The following CEP170 variants were observed in gnomAD, a reference collection of about 807,000 sequenced individuals.
The protein encoded by CEP170 is centrosomal protein of 170 kDa.
CEP170 carries 21 observed loss-of-function variants against 151.9 expected under a neutral mutation model. The observed-to-expected ratio is 0.14, with a 90% CI of 0.10 to 0.20. CEP170 has a LOEUF of 0.20. Among genes scored for constraint, CEP170 ranks in the 10% least tolerant of loss-of-function variants. CEP170 has a pLI of 1.00. For synonymous variants in CEP170, 356 were observed against 648.8 expected, an observed-to-expected ratio of 0.55 and a Z score of 6.86; for missense variants, 964 against 1,892.9, an observed-to-expected ratio of 0.51 and a Z score of 9.11.
chr1:243,147,000 C>T (rs1314482009), intron 14 of CEP170, among the ~76,000 whole-genome samples: 1 of 146,880 alleles, frequency 6.8e-6, no homozygotes, highest in African/African-American at 2.6e-5. Context: ...TCTAGAGGCA[C>T]TCCAGATGGA....
intron 7 of CEP170, among the ~76,000 whole-genome samples, chr1:243,196,362 T>C (rs1342570082): frequency 9.2e-5 from 14 of 152,080 alleles, no homozygotes; most frequent in Admixed American, 6.6e-5. Context: ...CCTCAGTTTC[T>C]TTATCTACAA....
chr1:243,221,936 G>A, intron 2 of CEP170, 123 bp from the exon 3 acceptor site: 1 of 750,582 alleles, frequency 1.3e-6, no homozygotes, highest in East Asian at 3.1e-5. Flanking sequence ...AGTAAGTGTG[G>A]ATTAAATGAG....
intron 10 of CEP170, among the ~76,000 whole-genome samples, chr1:243,175,663 G>A (rs2059180875): frequency 6.6e-6 from 1 of 152,136 alleles, no homozygotes; most frequent in Admixed American, 6.5e-5. Flanking sequence ...AAGTATGCTA[G>A]GTTCTCTCAC....
intron 4 of CEP170, among the ~76,000 whole-genome samples, chr1:243,206,929 C>A (rs868739191): frequency 6.6e-6 from 1 of 152,032 alleles, no homozygotes; most frequent in Non-Finnish European, 1.5e-5. Flanking sequence ...CAAAAAATTA[C>A]GGCAAATAAG....
Position 243,172,986 on chromosome 1 carries a change from T to C in CEP170, c.1567-140A>G, listed in dbSNP as rs1023564436. 9.6e-6 allele frequency: 10 copies of C among 1,045,064 alleles called. No individual in the cohort carries two copies. The Admixed American group carries it at 1.0e-4, about 11-fold the overall frequency. 64.7% of individuals were successfully genotyped at this position (1,045,064 alleles called of 1,614,324 possible). ...AGTTAATTTCAAAACTAAGGAAAAC[T>C]TCTTGAATGACAGTAACAGCTAATT... On this transcript the variant is annotated intron_variant, in intron 10 of 19. Transcript: ENST00000366542.
At chr1:243,131,647 C>T (rs1558364140) in intron 17 of CEP170, among the ~76,000 whole-genome samples, 1 of 151,650 alleles carries the variant, frequency 6.6e-6, no homozygotes, top group Non-Finnish European at 1.5e-5. Context: ...ATCAGAAAAC[C>T]AGACCAAGAA....
chr1:243,148,906 T>C (rs1392307084), intron 14 of CEP170, among the ~76,000 whole-genome samples: 1 of 152,064 alleles, frequency 6.6e-6, no homozygotes, highest in East Asian at 1.9e-4. Context: ...AACAAAAGTA[T>C]GGAGAACTGG....
Position 243,255,124 on chromosome 1 carries a change from CTCGTCG to C in CEP170, c.-132_-127del. The C allele has an allele frequency of 1.3e-5, 2 of 153,536 alleles. No homozygotes were observed. The highest frequency in any genetic ancestry group is 2.9e-5 in the Non-Finnish European group (2 of 68,764). 9.5% of individuals were successfully genotyped at this position (153,536 alleles called of 1,614,324 possible). The stretch of plus-strand genomic sequence containing the variant: ...CTCTCGCACGCCGTCCTCCCCCCAC[CTCGTCG>C]TCGTCGTCGTCGCCGCTGTTGTCGT... On this transcript the variant is annotated 5_prime_UTR_variant, in exon 1 of 20. Coordinates refer to ENST00000366542, the MANE Select transcript of CEP170 (RefSeq NM_014812.3).
chr1:243,167,669 A>G (rs1216565755), intron 12 of CEP170, among the ~76,000 whole-genome samples: 1 of 151,802 alleles, frequency 6.6e-6, no homozygotes, highest in Non-Finnish European at 1.5e-5. Context: ...TTACAATCCT[A>G]AAAGTTTAGT....
intron 14 of CEP170, among the ~76,000 whole-genome samples, chr1:243,144,660 G>C (rs1326535414): frequency 2.0e-5 from 3 of 152,172 alleles, no homozygotes; most frequent in African/African-American, 7.2e-5. Context: ...GTGGAAAACA[G>C]TATAAATTAA....
In CEP170 at chr1:243,185,552, A is replaced by T. The variant is rs10803122; in HGVS notation, c.1566+227T>A. Among the ~76,000 whole-genome samples the T allele has an allele frequency of 0.37, 56,420 of 152,106 alleles. 12,604 individuals carry two copies. The highest frequency in any genetic ancestry group is 0.49 in the Admixed American group (7,511 of 15,286). On this transcript the variant is annotated intron_variant, in intron 10 of 19. Coordinates refer to ENST00000366542, the MANE Select transcript of CEP170 (RefSeq NM_014812.3). The surrounding 1 kb of genome is among the most constrained non-coding windows in gnomAD (Gnocchi z 4.9). ...CAAATTTAAAAGGTCCAAACCTTTT[A>T]AATGTACAGAGCTTTATGTATGAAA...
Position 243,246,226 on chromosome 1 carries a change from CT to C in CEP170, c.-42+8813del, listed in dbSNP as rs774096892. On this transcript the variant is annotated intron_variant, in intron 1 of 19. Transcript: ENST00000366542. The stretch of plus-strand genomic sequence containing the variant: ...GAAATGTCCATTACAGTGTTGTTTA[CT>C]TTTTTTTTTTTTTTTTTTTTTTGAG... Among the ~76,000 whole-genome samples, 923 of 109,438 alleles carry C rather than the reference CT, an allele frequency of 8.4e-3. 3 individuals are homozygous for C. Among genetic ancestry groups the C allele is most frequent in the African/African-American group, 0.015 (386 of 25,950 alleles). The allele number at this position is 109,438 out of a possible 152,430, so 71.8% of individuals were successfully genotyped here. A position where few individuals can be genotyped will look rare whatever the true frequency, so the allele number is the denominator to read the frequency against.
intron 1 of CEP170, among the ~76,000 whole-genome samples, chr1:243,234,909 C>T (rs1209717954): frequency 1.3e-5 from 2 of 152,068 alleles, no homozygotes; most frequent in African/African-American, 4.8e-5. Context: ...ATGAATCAGG[C>T]ACTGTTCTAA....
At chr1:243,237,511 C>T (rs2064360036) in intron 1 of CEP170, among the ~76,000 whole-genome samples, 1 of 152,082 alleles carries the variant, frequency 6.6e-6, no homozygotes, top group Admixed American at 6.5e-5. Context: ...AGTATATAAA[C>T]ATGCAGAATA....
intron 3 of CEP170, among the ~76,000 whole-genome samples, chr1:243,213,431 AG>A (rs1352668887): frequency 6.6e-6 from 1 of 152,204 alleles, no homozygotes; most frequent in Non-Finnish European, 1.5e-5. Context: ...AAAGGCAAAG[AG>A]AAGAAAACAG....
chr1:243,177,683 G>C (rs1027056226), intron 10 of CEP170, among the ~76,000 whole-genome samples: 7 of 152,140 alleles, frequency 4.6e-5, no homozygotes, highest in Admixed American at 2.0e-4. Flanking sequence ...TGATTTAAGA[G>C]GGGAATTTAT....
chr1:243,229,192 G>A (rs1485959774), intron 1 of CEP170, among the ~76,000 whole-genome samples: 1 of 152,156 alleles, frequency 6.6e-6, no homozygotes, highest in Non-Finnish European at 1.5e-5. Flanking sequence ...CTCAGGTTCC[G>A]CTAAATGGTG....
intron 16 of CEP170, among the ~76,000 whole-genome samples, chr1:243,139,258 C>T (rs1461966266): frequency 4.6e-5 from 7 of 152,134 alleles, no homozygotes; most frequent in Middle Eastern, 3.4e-3. Flanking sequence ...CATGCCACCA[C>T]GCCCGGCTAA....
At position 243,185,839 on chromosome 1, in the gene CEP170, A is replaced by G. The variant is rs747093852; in HGVS notation, c.1506T>C (p.Tyr502=). ...NDDDQSDKGT[Y]TIELENPNSE... is the part of the protein sequence containing the mutation. ...TGTTGGGATTCTCTAACTCAATGGT[A>G]TAAGTACCCTTGTCACTTTGGTCAT... The change falls in exon 10 of 20, where the codon TAT becomes TAC. Residue 502 remains tyrosine (Y), a synonymous_variant. Transcript: ENST00000366542. The surrounding 1 kb of genome is among the most constrained non-coding windows in gnomAD (Gnocchi z 4.9). The G allele has an allele frequency of 4.3e-6, 7 of 1,611,082 alleles. No individual in the cohort carries two copies. Among genetic ancestry groups the G allele is most frequent in the East Asian group, 2.2e-5 (1 of 44,884 alleles).
Sources: gnomAD v4.1 joint callset for allele counts (sites outside exome capture counted in the v4.1 genomes callset) on GRCh38, gnomAD v4.1.1 for gene constraint, Gnocchi (gnomAD v3.1) non-coding constraint, MANE v1.5 for transcripts, NCBI Gene and HGNC (gene_info 2026-07-23, HGNC 2026-07-21) for gene names.